UNC5D: variants seen among roughly 807,000 people sequenced by gnomAD.
The protein encoded by UNC5D is netrin receptor UNC5D.
A neutral mutation model predicts 105.4 loss-of-function variants in UNC5D; 39 were observed. That is an observed-to-expected ratio of 0.37 (90% CI 0.29 to 0.48). The LOEUF is 0.48. Ranked by LOEUF, UNC5D falls within the 20% of genes least tolerant of loss-of-function variation. UNC5D has a pLI of 0.98. For missense variants in UNC5D, 991 were observed against 1,202.4 expected (o/e 0.82, Z 2.60); for synonymous variants, 452 against 450.4 (o/e 1.00, Z -0.04).
Position 35,686,709 on chromosome 8 carries a change from G to A in UNC5D, c.1084G>A (p.Asp362Asn). The change falls in exon 7 of 17, where the codon GAT becomes AAT. Residue 362 changes from aspartate (D) to asparagine (N), a missense_variant and splice_region_variant. By Grantham distance (23) the Asp-to-Asn change is conservative. This residue lies in a region of UNC5D where 944 missense variants were observed against 1,131.6 expected (regional missense o/e 0.83). Transcript: ENST00000404895. ...CTGCACAGATGGTCTTTGCATCCTA[G>A]GTAACACTTTTGCTTTAACATCTTC... ...ENCTDGLCILDKKPLHEIKPQ... is the reference protein window; with the variant it reads ...ENCTDGLCILNKKPLHEIKPQ... The A allele has an allele frequency of 6.3e-7, 1 of 1,582,876 alleles. No homozygotes were observed. The highest frequency in any genetic ancestry group is 8.6e-7 in the Non-Finnish European group (1 of 1,166,770).
intron 7 of UNC5D, among the ~76,000 whole-genome samples, chr8:35,688,248 A>G (rs370953915): frequency 1.4e-4 from 21 of 152,306 alleles, no homozygotes; most frequent in Admixed American, 6.5e-4. Flanking sequence ...TCCAGCAAAA[A>G]AAAAAAAAAG....
chr8:35,300,446 CAAAAAAA>C (rs752599540), intron 1 of UNC5D, among the ~76,000 whole-genome samples: 1 of 58,398 alleles, frequency 1.7e-5, no homozygotes, highest in Non-Finnish European at 3.3e-5. Context: ...GACTCCCTCT[CAAAAAAA>C]AAAAAAAAAA....
Position 35,544,257 on chromosome 8 carries a change from C to CT in UNC5D, c.104-5032dup, listed in dbSNP as rs1815481420. On this transcript the variant is annotated intron_variant, in intron 1 of 16. Coordinates refer to ENST00000404895, the MANE Select transcript of UNC5D (RefSeq NM_080872.4). ...CCACATTCCTTAGCCTACCAAGGCTCTTTCCTGAACAGCTGATGGCATTAG... is the reference window on the plus strand; with the variant it reads ...CCACATTCCTTAGCCTACCAAGGCTCTTTTCCTGAACAGCTGATGGCATTAG... 5.9e-6 allele frequency: 6 copies of CT among 1,022,228 alleles called. No homozygotes were observed. In the East Asian group the frequency reaches 1.7e-4, roughly 29 times the overall value. The allele number at this position is 1,022,228 out of a possible 1,614,324, so 63.3% of individuals were successfully genotyped here.
chr8:35,388,732 A>G (rs1803591729), intron 1 of UNC5D, among the ~76,000 whole-genome samples: 1 of 152,196 alleles, frequency 6.6e-6, no homozygotes, highest in African/African-American at 2.4e-5. Context: ...ATGATGAAAG[A>G]TAGTCTATGT....
chr8:35,366,248 T>G (rs1305492209), intron 1 of UNC5D, among the ~76,000 whole-genome samples: 1 of 152,130 alleles, frequency 6.6e-6, no homozygotes. Flanking sequence ...TTCACTGTTT[T>G]TCCTTGTTCC....
intron 1 of UNC5D, among the ~76,000 whole-genome samples, chr8:35,523,707 TAAAA>T (rs1207509984): frequency 2.2e-4 from 24 of 107,618 alleles, no homozygotes; most frequent in African/African-American, 8.3e-4. Context: ...TTTATTTAAT[TAAAA>T]AAAAAAGGAA....
chr8:35,711,840 G>A (rs1486877860), intron 8 of UNC5D, among the ~76,000 whole-genome samples: 1 of 152,144 alleles, frequency 6.6e-6, no homozygotes, highest in Non-Finnish European at 1.5e-5. Context: ...GATAGACATA[G>A]TCCCTGCCAT....
chr8:35,647,571 T>G (rs900540227), intron 4 of UNC5D, among the ~76,000 whole-genome samples: 2 of 152,312 alleles, frequency 1.3e-5, no homozygotes, highest in African/African-American at 4.8e-5. Flanking sequence ...TACTGGTTTA[T>G]AGCATTAGGT....
At chr8:35,442,397 T>G (rs990956886) in intron 1 of UNC5D, among the ~76,000 whole-genome samples, 3 of 151,850 alleles carry the variant, frequency 2.0e-5, no homozygotes, top group African/African-American at 7.2e-5. Context: ...GTATGAAAGA[T>G]TGATTGTGAC....
At chr8:35,250,139 T>C (rs559631305) in intron 1 of UNC5D, among the ~76,000 whole-genome samples, 354 of 152,258 alleles carry the variant, frequency 2.3e-3, no homozygotes, top group African/African-American at 5.3e-3. Flanking sequence ...GAAACACCCA[T>C]GTGTGTAATT....
At chr8:35,506,348 C>T (rs1003445174) in intron 1 of UNC5D, among the ~76,000 whole-genome samples, 6 of 152,214 alleles carry the variant, frequency 3.9e-5, no homozygotes, top group Non-Finnish European at 7.3e-5. Context: ...CTGTCATTCA[C>T]ATTTCAGTGG....
intron 7 of UNC5D, among the ~76,000 whole-genome samples, chr8:35,702,398 A>G (rs763122337): frequency 6.6e-6 from 1 of 152,124 alleles, no homozygotes; most frequent in Non-Finnish European, 1.5e-5. Flanking sequence ...GGGCCCAGGT[A>G]TGAGTATTTG....
intron 2 of UNC5D, among the ~76,000 whole-genome samples, chr8:35,562,533 G>C (rs899106562): frequency 1.1e-4 from 17 of 151,968 alleles, no homozygotes; most frequent in South Asian, 2.1e-4. Flanking sequence ...ATTTTAACTG[G>C]GGTGAGATGT....
intron 4 of UNC5D, among the ~76,000 whole-genome samples, chr8:35,654,792 G>C (rs1455221940): frequency 6.6e-6 from 1 of 152,070 alleles, no homozygotes; most frequent in Admixed American, 6.5e-5. Flanking sequence ...CATGACTTGA[G>C]TGGCTAACTT....
chr8:35,474,705 C>G (rs575152295), intron 1 of UNC5D, among the ~76,000 whole-genome samples: 1 of 152,260 alleles, frequency 6.6e-6, no homozygotes, highest in Admixed American at 6.5e-5. Context: ...GGAGAGGGTC[C>G]CCCTTGACCT....
chr8:35,545,612 A>G (rs1309524355), intron 1 of UNC5D, among the ~76,000 whole-genome samples: 1 of 152,006 alleles, frequency 6.6e-6, no homozygotes. Flanking sequence ...GGCTACAGGG[A>G]TAGGCAGTCA....
chr8:35,607,576 A>G (rs1820380492), intron 4 of UNC5D, among the ~76,000 whole-genome samples: 1 of 152,202 alleles, frequency 6.6e-6, no homozygotes, highest in Non-Finnish European at 1.5e-5. Context: ...GTGTCAAGGC[A>G]GAGACCAGGT....
At chr8:35,415,106 G>A (rs528927426) in intron 1 of UNC5D, among the ~76,000 whole-genome samples, 2 of 152,212 alleles carry the variant, frequency 1.3e-5, no homozygotes, top group South Asian at 4.1e-4. Context: ...ACAAAATCAT[G>A]TAGGAATTCT....
chr8:35,360,760 A>C (rs372156043), intron 1 of UNC5D, among the ~76,000 whole-genome samples: 1 of 152,144 alleles, frequency 6.6e-6, no homozygotes, highest in Non-Finnish European at 1.5e-5. Context: ...AACTGTGGCT[A>C]TATCCATATG....
Sources: allele counts gnomAD v4.1 joint callset (sites outside exome capture counted in the v4.1 genomes callset), GRCh38; gene constraint gnomAD v4.1.1; regional missense constraint gnomAD v4.1.1; transcripts MANE v1.5; gene names NCBI Gene and HGNC (gene_info 2026-07-23, HGNC 2026-07-21).